Variants in NYAP2 observed in about 807,000 individuals in gnomAD.
The protein encoded by NYAP2 is neuronal tyrosine-phosphorylated phosphoinositide-3-kinase adapter 2.
In NYAP2, 23 loss-of-function variants were observed where a neutral mutation model predicts 50.4. The observed-to-expected ratio is 0.46, with a 90% CI of 0.33 to 0.65. The LOEUF (loss-of-function observed/expected upper bound fraction) is 0.65, where lower values mean the gene tolerates loss of function less well. NYAP2 is among the 30% of genes least tolerant of loss of function. NYAP2 has a pLI of 0.02. For missense variants in NYAP2, 885 were observed against 861.0 expected (o/e 1.03, Z -0.35); for synonymous variants, 394 against 365.2 (o/e 1.08, Z -0.90).
At chr2:225,588,441 A>G (rs1404319167) in intron 5 of NYAP2, among the ~76,000 whole-genome samples, 1 of 152,036 alleles carries the variant, frequency 6.6e-6, no homozygotes, top group Non-Finnish European at 1.5e-5. Flanking sequence ...CCTCACATGG[A>G]CATACAGGCC....
At chr2:225,417,804 T>C (rs572849743) in intron 3 of NYAP2, among the ~76,000 whole-genome samples, 3 of 152,150 alleles carry the variant, frequency 2.0e-5, no homozygotes, top group Non-Finnish European at 4.4e-5. Flanking sequence ...TTCCATATTA[T>C]ATTTTTCATT....
At chr2:225,622,369 G>T (rs1451462522) in intron 5 of NYAP2, among the ~76,000 whole-genome samples, 1 of 151,952 alleles carries the variant, frequency 6.6e-6, no homozygotes, top group African/African-American at 2.4e-5. Context: ...TGTTTTTTCT[G>T]CAGAGCACTG....
intron 6 of NYAP2, among the ~76,000 whole-genome samples, chr2:225,650,897 G>C (rs1693719263): frequency 6.6e-6 from 1 of 152,120 alleles, no homozygotes; most frequent in Admixed American, 6.5e-5. Flanking sequence ...TTTTAAGTTG[G>C]AAAAATAATA....
Position 225,608,590 on chromosome 2 carries a change from G to A in NYAP2, c.1619-18327G>A, listed in dbSNP as rs1478473170. On this transcript the variant is annotated intron_variant, in intron 5 of 6. Transcript: ENST00000636099. Reference sequence around the variant, plus strand: ...TCAGAAACAGGCTGAACTTATTACGGTCCCTGAACCATTATTTCTCTCCAT... The same window carrying A: ...TCAGAAACAGGCTGAACTTATTACGATCCCTGAACCATTATTTCTCTCCAT... 1.3e-5 allele frequency among the ~76,000 whole-genome samples: 2 copies of A among 152,002 alleles called. 1 individual carries two copies. Among genetic ancestry groups the A allele is most frequent in the Admixed American group, 1.3e-4 (2 of 15,232 alleles).
intron 3 of NYAP2, among the ~76,000 whole-genome samples, chr2:225,448,852 T>C (rs1159468249): frequency 3.3e-5 from 5 of 152,196 alleles, no homozygotes; most frequent in Admixed American, 2.0e-4. Flanking sequence ...CAAAGGGTGA[T>C]CTTTATTTAT....
At chr2:225,525,881 A>G (rs993020832) in intron 4 of NYAP2, among the ~76,000 whole-genome samples, 1 of 152,198 alleles carries the variant, frequency 6.6e-6, no homozygotes, top group Non-Finnish European at 1.5e-5. Context: ...CTACTTCTGT[A>G]TCATCTTTGG....
At chr2:225,480,917 G>A (rs1273481675) in intron 3 of NYAP2, among the ~76,000 whole-genome samples, 1 of 152,036 alleles carries the variant, frequency 6.6e-6, no homozygotes, top group South Asian at 2.1e-4. Flanking sequence ...CTTAAATTGA[G>A]AGTAAACACC....
At chr2:225,423,770 T>G (rs1695249403) in intron 3 of NYAP2, among the ~76,000 whole-genome samples, 1 of 152,166 alleles carries the variant, frequency 6.6e-6, no homozygotes, top group South Asian at 2.1e-4. Context: ...ATGTGCCAAC[T>G]AGCAACTCTT....
At chr2:225,666,220 A>G in the NYAP2 span, among the ~76,000 whole-genome samples, 1 of 152,248 alleles carries the variant, frequency 6.6e-6, no homozygotes, top group Admixed American at 6.5e-5. Flanking sequence ...TATGTAGCCT[A>G]CCTTCTCTTG....
the NYAP2 span, among the ~76,000 whole-genome samples, chr2:225,672,736 C>T: frequency 6.6e-6 from 1 of 152,038 alleles, no homozygotes; most frequent in Non-Finnish European, 1.5e-5. Context: ...CACTTAGAGG[C>T]CACTGTAGGG....
intron 6 of NYAP2, among the ~76,000 whole-genome samples, chr2:225,631,787 C>T (rs752576207): frequency 2.6e-5 from 4 of 152,160 alleles, no homozygotes; most frequent in Non-Finnish European, 5.9e-5. Context: ...AGTTCACACT[C>T]ACCTTTGGTA....
intron 4 of NYAP2, among the ~76,000 whole-genome samples, chr2:225,515,689 G>A (rs943664047): frequency 2.6e-5 from 4 of 152,086 alleles, no homozygotes; most frequent in Non-Finnish European, 2.9e-5. Flanking sequence ...GTGGTTCATA[G>A]GTTTCCTTGA....
intron 4 of NYAP2, among the ~76,000 whole-genome samples, chr2:225,516,627 G>A (rs1690940013): frequency 6.6e-6 from 1 of 151,982 alleles, no homozygotes; most frequent in Admixed American, 6.6e-5. Flanking sequence ...TGACCTCAAT[G>A]ATAATAGCAT....
intron 4 of NYAP2, among the ~76,000 whole-genome samples, chr2:225,550,429 A>G (rs778106427): frequency 1.3e-5 from 2 of 152,250 alleles, no homozygotes; most frequent in Non-Finnish European, 2.9e-5. Flanking sequence ...ATTTGGCAAT[A>G]TTTGAAGGCA....
At chr2:225,532,006 T>G (rs1691263074) in intron 4 of NYAP2, among the ~76,000 whole-genome samples, 1 of 152,244 alleles carries the variant, frequency 6.6e-6, no homozygotes, top group Non-Finnish European at 1.5e-5. Flanking sequence ...GTTCAGCTTG[T>G]GCCATTTATA....
intron 3 of NYAP2, among the ~76,000 whole-genome samples, chr2:225,428,915 C>T (rs1390019540): frequency 6.6e-6 from 1 of 152,286 alleles, no homozygotes; most frequent in Non-Finnish European, 1.5e-5. Flanking sequence ...ACCATAATAA[C>T]TGATGACATT....
At chr2:225,619,516 G>C (rs1273731261) in intron 5 of NYAP2, among the ~76,000 whole-genome samples, 1 of 152,186 alleles carries the variant, frequency 6.6e-6, no homozygotes, top group African/African-American at 2.4e-5. Context: ...GAGTGAATAA[G>C]AGATTCTGGT....
At chr2:225,591,997 C>T (rs1002480607) in intron 5 of NYAP2, among the ~76,000 whole-genome samples, 6 of 152,156 alleles carry the variant, frequency 3.9e-5, no homozygotes, top group African/African-American at 1.4e-4. Flanking sequence ...TGAGCTGCCC[C>T]TGAAGGCATG....
chr2:225,660,028 A>T, the NYAP2 span, among the ~76,000 whole-genome samples: 1 of 152,170 alleles, frequency 6.6e-6, no homozygotes, highest in Non-Finnish European at 1.5e-5. Context: ...ACAGATTTCT[A>T]GTTGGTTCTA....
Sources: allele counts gnomAD v4.1 joint callset (sites outside exome capture counted in the v4.1 genomes callset), GRCh38; gene constraint gnomAD v4.1.1; transcripts MANE v1.5; gene names NCBI Gene and HGNC (gene_info 2026-07-23, HGNC 2026-07-21).